Variants in NAALADL2 observed in about 807,000 individuals in gnomAD.
NAALADL2 encodes N-acetylated alpha-linked acidic dipeptidase like 2, also known as inactive N-acetylated-alpha-linked acidic dipeptidase-like protein 2.
Under a neutral mutation model 87.2 loss-of-function variants are expected in NAALADL2, and 76 were observed. The observed-to-expected ratio is 0.87, with a 90% CI of 0.72 to 1.05. The LOEUF is 1.05. Ranked by LOEUF, NAALADL2 falls within the 50% of genes least tolerant of loss-of-function variation. The probability of loss-of-function intolerance (pLI) is 0.00; values close to 1 mark genes in which losing one functional copy is unlikely to be tolerated. For synonymous variants in NAALADL2, 354 were observed against 331.0 expected (o/e 1.07, Z -0.75); for missense variants, 1,089 against 945.8 (o/e 1.15, Z -1.99).
At chr3:175,278,914 T>C (rs1193130586) in intron 4 of NAALADL2, among the ~76,000 whole-genome samples, 1 of 152,212 alleles carries the variant, frequency 6.6e-6, no homozygotes, top group Non-Finnish European at 1.5e-5. Flanking sequence ...TGTAGGACTA[T>C]CATCTTACAA....
At chr3:174,641,208 C>T (rs952182274) in intron 2 of NAALADL2, among the ~76,000 whole-genome samples, 1 of 152,134 alleles carries the variant, frequency 6.6e-6, no homozygotes, top group African/African-American at 2.4e-5. Flanking sequence ...GAGATGGATT[C>T]TGCCCACAAC....
At chr3:174,732,093 C>A (rs973526495) in intron 2 of NAALADL2, among the ~76,000 whole-genome samples, 1 of 152,162 alleles carries the variant, frequency 6.6e-6, no homozygotes, top group Non-Finnish European at 1.5e-5. Context: ...TGATCTAATT[C>A]ATCAGTAAGA....
At chr3:174,496,352 C>A (rs1298817778) in intron 1 of NAALADL2, among the ~76,000 whole-genome samples, 1 of 151,966 alleles carries the variant, frequency 6.6e-6, no homozygotes, top group Non-Finnish European at 1.5e-5. Flanking sequence ...ATTTTTGGCT[C>A]ATTTCTTAGA....
At chr3:175,111,006 T>C (rs1724098821) in intron 2 of NAALADL2, among the ~76,000 whole-genome samples, 2 of 151,656 alleles carry the variant, frequency 1.3e-5, no homozygotes. Flanking sequence ...CTCTAGTGTC[T>C]AGTTTAGAAA....
At chr3:175,379,996 CA>C (rs1457851792) in intron 5 of NAALADL2, among the ~76,000 whole-genome samples, 1 of 151,920 alleles carries the variant, frequency 6.6e-6, no homozygotes, top group Non-Finnish European at 1.5e-5. Context: ...GGGAATTGAA[CA>C]ATGAGAACAC....
At chr3:174,623,557 T>C (rs1721252443) in intron 2 of NAALADL2, among the ~76,000 whole-genome samples, 1 of 151,482 alleles carries the variant, frequency 6.6e-6, no homozygotes, top group South Asian at 2.1e-4. Flanking sequence ...ATTTTTAAAA[T>C]ATTTAAATAT....
intron 2 of NAALADL2, among the ~76,000 whole-genome samples, chr3:174,709,686 G>A (rs935778113): frequency 6.6e-6 from 1 of 152,092 alleles, no homozygotes; most frequent in Admixed American, 6.5e-5. Flanking sequence ...TAAAAATCTT[G>A]ATATATTAGC....
At chr3:174,468,337 TA>T (rs1456457024) in intron 1 of NAALADL2, among the ~76,000 whole-genome samples, 1 of 152,068 alleles carries the variant, frequency 6.6e-6, no homozygotes, top group Non-Finnish European at 1.5e-5. Flanking sequence ...ATTCCGTTGC[TA>T]AGTAGTGTTA....
At chr3:175,366,800 T>A (rs1197748582) in intron 5 of NAALADL2, among the ~76,000 whole-genome samples, 3 of 151,650 alleles carry the variant, frequency 2.0e-5, no homozygotes, top group African/African-American at 7.3e-5. Context: ...TTTCTCCCAT[T>A]TTGTAGGTTG....
intron 1 of NAALADL2, among the ~76,000 whole-genome samples, chr3:174,870,079 G>A (rs1433329740): frequency 1.3e-5 from 2 of 151,244 alleles, no homozygotes; most frequent in Non-Finnish European, 2.9e-5. Flanking sequence ...GTTTGTGGGT[G>A]TGTGTGTGTA....
chr3:174,833,647 C>T (rs995586448), intron 3 of NAALADL2, among the ~76,000 whole-genome samples: 1 of 152,026 alleles, frequency 6.6e-6, no homozygotes, highest in South Asian at 2.1e-4. Context: ...TCTGAACATA[C>T]ATATCATTAA....
At chr3:174,849,451 G>T (rs997268263) in intron 3 of NAALADL2, among the ~76,000 whole-genome samples, 1 of 151,746 alleles carries the variant, frequency 6.6e-6, no homozygotes, top group Non-Finnish European at 1.5e-5. Flanking sequence ...TAAAAATGAA[G>T]ATGCACTGGG....
Position 175,491,037 on chromosome 3 carries a change from T to G in NAALADL2, c.1653+19279T>G, listed in dbSNP as rs555250400. On this transcript the variant is annotated intron_variant, in intron 9 of 13. Coordinates refer to ENST00000454872, the MANE Select transcript of NAALADL2 (RefSeq NM_207015.3). Reference sequence around the variant, plus strand: ...ATGGATAGAGACTTTTTTTAAAACATTTAAATTCCTTTCCAGCAGCAGCAT... The same window carrying G: ...ATGGATAGAGACTTTTTTTAAAACAGTTAAATTCCTTTCCAGCAGCAGCAT... 7.2e-5 allele frequency among the ~76,000 whole-genome samples: 11 copies of G among 152,052 alleles called. No homozygotes were observed. The South Asian group carries it at 2.3e-3, about 32-fold the overall frequency.
chr3:175,457,356 C>T (rs748874766), intron 6 of NAALADL2, among the ~76,000 whole-genome samples: 3 of 152,028 alleles, frequency 2.0e-5, no homozygotes, highest in Non-Finnish European at 4.4e-5. Flanking sequence ...GCCGCCAGGT[C>T]TCCCTATTGA....
intron 4 of NAALADL2, among the ~76,000 whole-genome samples, chr3:175,308,765 A>G (rs771853804): frequency 7.2e-5 from 11 of 152,210 alleles, no homozygotes; most frequent in Non-Finnish European, 1.5e-4. Context: ...GAGTTTATCA[A>G]TTTCTACCAG....
At chr3:175,179,286 G>T (rs183206703) in intron 2 of NAALADL2, among the ~76,000 whole-genome samples, 310 of 152,060 alleles carry the variant, frequency 2.0e-3, no homozygotes, top group Non-Finnish European at 3.9e-3. Context: ...AGGAAGATAA[G>T]AGTCACTAAA....
intron 1 of NAALADL2, among the ~76,000 whole-genome samples, chr3:175,000,934 T>C (rs1300189595): frequency 6.6e-6 from 1 of 152,192 alleles, no homozygotes; most frequent in Non-Finnish European, 1.5e-5. Context: ...GGAAGCAATA[T>C]GTTAATTGTA....
upstream of NAALADL2, among the ~76,000 whole-genome samples, chr3:174,855,952 GAATATA>G (rs1389392338): frequency 2.9e-5 from 4 of 136,858 alleles, no homozygotes; most frequent in African/African-American, 1.2e-4. Flanking sequence ...ACATAGATAT[GAATATA>G]TGTGTATGTG....
chr3:174,725,363 C>G (rs2108964317), intron 2 of NAALADL2, among the ~76,000 whole-genome samples: 1 of 152,162 alleles, frequency 6.6e-6, no homozygotes, highest in Non-Finnish European at 1.5e-5. Flanking sequence ...TAATTAGAAA[C>G]CATCCCACTT....
Sources: gnomAD v4.1 joint callset for allele counts (sites outside exome capture counted in the v4.1 genomes callset) on GRCh38, gnomAD v4.1.1 for gene constraint, MANE v1.5 for transcripts, NCBI Gene and HGNC (gene_info 2026-07-23, HGNC 2026-07-21) for gene names.